UPRT: variants seen among roughly 807,000 people sequenced by gnomAD.
UPRT encodes the protein uracil phosphoribosyltransferase homolog.
Under a neutral mutation model 22.6 loss-of-function variants are expected in UPRT, and 5 were observed. The ratio of observed to expected loss-of-function variants is 0.22; its 90% CI spans 0.12 to 0.47. UPRT has a LOEUF of 0.47. UPRT is among the 20% of genes least tolerant of loss of function. The pLI is 0.99. For missense variants in UPRT, 181 were observed against 239.9 expected (o/e 0.75, Z 1.62); for synonymous variants, 77 against 87.7 (o/e 0.88, Z 0.68).
At chrX:75,190,550 G>A (rs933361255) in intron 4 of UPRT, among the ~76,000 whole-genome samples, 27 of 111,766 alleles carry the variant, frequency 2.4e-4, no homozygotes, top group South Asian at 7.6e-4. Flanking sequence ...GGAAGTTCTC[G>A]TGGAGAATAT....
intron 4 of UPRT, among the ~76,000 whole-genome samples, chrX:75,268,222 C>G (rs929951119): frequency 9.0e-6 from 1 of 110,901 alleles, no homozygotes; most frequent in African/African-American, 3.3e-5. Flanking sequence ...AAGTCTAATC[C>G]CTGAATATAG....
At chrX:75,228,433 C>T (rs2082429141) in intron 4 of UPRT, among the ~76,000 whole-genome samples, 2 of 111,436 alleles carry the variant, frequency 1.8e-5, no homozygotes, top group African/African-American at 6.5e-5. Context: ...GTACAGTATC[C>T]ATCACATTTC....
intron 4 of UPRT, among the ~76,000 whole-genome samples, chrX:75,248,421 T>C (rs1274461021): frequency 8.9e-6 from 1 of 111,821 alleles, no homozygotes; most frequent in African/African-American, 3.3e-5. Flanking sequence ...TGCACAACTC[T>C]CAGTAGCTGA....
intron 4 of UPRT, among the ~76,000 whole-genome samples, chrX:75,298,424 C>A (rs921354300): frequency 9.0e-6 from 1 of 111,533 alleles, no homozygotes; most frequent in Non-Finnish European, 1.9e-5. Context: ...AACTGATTAC[C>A]CTTCTAAACC....
At chrX:75,249,880 C>A (rs1396801570) in intron 4 of UPRT, among the ~76,000 whole-genome samples, 3 of 111,498 alleles carry the variant, frequency 2.7e-5, no homozygotes, top group Admixed American at 9.6e-5. Context: ...ACAGTGCAAT[C>A]AAACTGGAAC....
chrX:75,250,307 C>A (rs1286830856), intron 4 of UPRT, among the ~76,000 whole-genome samples: 1 of 109,425 alleles, frequency 9.1e-6, no homozygotes, highest in African/African-American at 3.3e-5. Context: ...AATTGATAGA[C>A]CACTAGCAAG....
intron 4 of UPRT, among the ~76,000 whole-genome samples, chrX:75,256,486 C>T (rs896773896): frequency 9.0e-6 from 1 of 110,619 alleles, no homozygotes; most frequent in Non-Finnish European, 1.9e-5. Flanking sequence ...AAACCCAAAC[C>T]CAGCAGAAGA....
Position 75,214,986 on chromosome X carries a change from C to CACACACACAG in UPRT, c.-447+47116_-447+47117insGACACACACA, listed in dbSNP as rs1555968480. Among the ~76,000 whole-genome samples the CACACACACAG allele has an allele frequency of 2.3e-4, 25 of 106,855 alleles. 3 individuals carry two copies. Among genetic ancestry groups the CACACACACAG allele is most frequent in the African/African-American group, 8.7e-4 (25 of 28,854 alleles). 92.8% of individuals were successfully genotyped at this position (106,855 alleles called of 115,157 possible). On this transcript the variant is annotated intron_variant, in intron 4 of 13. Coordinates refer to the UPRT transcript ENST00000652605. ...ACACACACACACACACACACACACACACACACACACACAAATAAGGCAGGA... is the reference window on the plus strand; with the variant it reads ...ACACACACACACACACACACACACACACACACACAGACACACACACACAAATAAGGCAGGA...
rs1163567424 is a variant in UPRT at position 75,198,630 on chromosome X, A to T, written c.-447+30751A>T. ...TTTATTAGAACTGGTAGCACTTTTG[A>T]TAGAGAAAAATTGATAAACTAGAAG... On this transcript the variant is annotated intron_variant, in intron 4 of 13. Transcript: ENST00000652605. Among the ~76,000 whole-genome samples, 4 of 112,069 alleles carry T rather than the reference A, an allele frequency of 3.6e-5. No homozygotes were observed. The Admixed American group carries it at 3.8e-4, about 11-fold the overall frequency.
intron 4 of UPRT, among the ~76,000 whole-genome samples, chrX:75,211,836 GC>G (rs1208595983): frequency 8.9e-6 from 1 of 111,806 alleles, no homozygotes; most frequent in African/African-American, 3.3e-5. Context: ...AGAGAGGGCA[GC>G]TTAACTGCAA....
intron 4 of UPRT, among the ~76,000 whole-genome samples, chrX:75,177,080 G>A (rs1426389726): frequency 9.0e-6 from 1 of 111,017 alleles, no homozygotes; most frequent in Non-Finnish European, 1.9e-5. Flanking sequence ...GGTTTATTTT[G>A]TTTCTCTCCC....
chrX:75,218,895 G>A (rs2082401713), intron 4 of UPRT, among the ~76,000 whole-genome samples: 1 of 110,374 alleles, frequency 9.1e-6, no homozygotes, highest in South Asian at 4.0e-4. Context: ...TTGTGGGGTG[G>A]GGGAACGGGG....
At chrX:75,187,349 C>T (rs1458999399) in intron 4 of UPRT, among the ~76,000 whole-genome samples, 3 of 111,409 alleles carry the variant, frequency 2.7e-5, no homozygotes, top group Non-Finnish European at 5.7e-5. Context: ...TGAATATTGG[C>T]CCCCACTCTC....
intron 4 of UPRT, among the ~76,000 whole-genome samples, chrX:75,219,206 T>G (rs1332171500): frequency 8.9e-6 from 1 of 111,858 alleles, no homozygotes; most frequent in Non-Finnish European, 1.9e-5. Context: ...GGAGTTCAAT[T>G]TAATTCATGA....
chrX:75,245,534 A>G (rs1602470955), intron 4 of UPRT, among the ~76,000 whole-genome samples: 1 of 112,338 alleles, frequency 8.9e-6, no homozygotes, highest in East Asian at 2.8e-4. Context: ...AAGACATGGA[A>G]TCAACCTAAA....
chrX:75,248,228 A>G (rs1304515552), intron 4 of UPRT, among the ~76,000 whole-genome samples: 1 of 112,243 alleles, frequency 8.9e-6, no homozygotes, highest in Non-Finnish European at 1.9e-5. Flanking sequence ...GACTTTGACG[A>G]GAGAAGAAGG....
intron 4 of UPRT, among the ~76,000 whole-genome samples, chrX:75,187,455 A>G (rs1471495687): frequency 9.1e-6 from 1 of 110,457 alleles, no homozygotes; most frequent in Non-Finnish European, 1.9e-5. Context: ...TGCCCTTAAC[A>G]TTTTTTCTTT....
At chrX:75,224,052 T>C (rs990707259) in intron 4 of UPRT, among the ~76,000 whole-genome samples, 1 of 111,981 alleles carries the variant, frequency 8.9e-6, no homozygotes, top group Non-Finnish European at 1.9e-5. Context: ...ATTTTTTTTA[T>C]ATGTCAGTTA....
chrX:75,234,886 C>G (rs1412019071), intron 4 of UPRT, among the ~76,000 whole-genome samples: 1 of 111,156 alleles, frequency 9.0e-6, no homozygotes, highest in Non-Finnish European at 1.9e-5. Context: ...ACTAGGAAAG[C>G]AAGAGCAAAC....
Sources: allele counts gnomAD v4.1 joint callset (sites outside exome capture counted in the v4.1 genomes callset), GRCh38; gene constraint gnomAD v4.1.1; transcripts MANE v1.5; gene names NCBI Gene and HGNC (gene_info 2026-07-23, HGNC 2026-07-21).